The following PPP2R5C variants were observed in gnomAD, a reference collection of about 807,000 sequenced individuals.
The protein encoded by PPP2R5C is serine/threonine-protein phosphatase 2A 56 kDa regulatory subunit gamma isoform.
In PPP2R5C, 7 loss-of-function variants were observed where a neutral mutation model predicts 68.9. The ratio of observed to expected loss-of-function variants is 0.10; its 90% CI spans 0.06 to 0.19. The LOEUF is 0.19. Ranked by LOEUF, PPP2R5C falls within the 10% of genes least tolerant of loss-of-function variation. The probability of loss-of-function intolerance (pLI) is 1.00; values close to 1 mark genes in which losing one functional copy is unlikely to be tolerated. For missense variants in PPP2R5C, 348 were observed against 641.3 expected (o/e 0.54, Z 4.94); for synonymous variants, 210 against 222.2 (o/e 0.95, Z 0.49).
intron 1 of PPP2R5C, among the ~76,000 whole-genome samples, chr14:101,848,248 G>T (rs995149782): frequency 6.6e-6 from 1 of 152,030 alleles, no homozygotes; most frequent in African/African-American, 2.4e-5. Flanking sequence ...AAGTGTGTTG[G>T]GGGGCCGGGC....
chr14:101,792,677 A>G (rs2038413656), intron 3 of PPP2R5C, among the ~76,000 whole-genome samples: 1 of 152,174 alleles, frequency 6.6e-6, no homozygotes, highest in Non-Finnish European at 1.5e-5. Context: ...TCATGTACCA[A>G]AAGCATTAGT....
At position 101,871,228 on chromosome 14, in the gene PPP2R5C, T is replaced by TGG. The variant is rs563568983; in HGVS notation, c.295-10933_295-10932insGG. On this transcript the variant is annotated intron_variant, in intron 2 of 13. Transcript: ENST00000334743. ...GTCTTGGTTTTTTTTTGTTTTGGTT[T>TGG]TTGTTGTTGTTGTTGTTGTTGTTGT... Among the ~76,000 whole-genome samples the TGG allele has an allele frequency of 3.5e-4, 41 of 117,620 alleles. 1 individual carries two copies. The highest frequency in any genetic ancestry group is 1.5e-3 in the African/African-American group (40 of 26,422). 77.2% of individuals were successfully genotyped at this position (117,620 alleles called of 152,430 possible).
chr14:101,906,571 A>G lies in PPP2R5C; in HGVS notation c.1151+42A>G. Reference sequence around the variant, plus strand: ...TGCCATCTTTTTCAGTCATTTTAAAATATGGCACGTTTTACTGCTACTTCA... The same window carrying G: ...TGCCATCTTTTTCAGTCATTTTAAAGTATGGCACGTTTTACTGCTACTTCA... On this transcript the variant is annotated intron_variant, in intron 10 of 13. Coordinates refer to ENST00000334743, the Ensembl canonical transcript of PPP2R5C. The surrounding 1 kb of genome is among the most constrained non-coding windows in gnomAD (Gnocchi z 4.0). 1 of 1,564,166 alleles carries G rather than the reference A, an allele frequency of 6.4e-7. No homozygotes were observed. Among genetic ancestry groups the G allele is most frequent in the Non-Finnish European group, 8.7e-7 (1 of 1,155,940 alleles).
chr14:101,902,293 T>C (rs1783408663), intron 9 of PPP2R5C, among the ~76,000 whole-genome samples: 1 of 152,210 alleles, frequency 6.6e-6, no homozygotes, highest in African/African-American at 2.4e-5. Flanking sequence ...TAAATCTGTC[T>C]CCCTTTACCC....
chr14:101,880,219 T>A (rs2044070020), intron 2 of PPP2R5C, among the ~76,000 whole-genome samples: 1 of 152,222 alleles, frequency 6.6e-6, no homozygotes, highest in African/African-American at 2.4e-5. Context: ...ATTGCAAACT[T>A]TTGTCTTTGT....
At chr14:101,784,320 G>A (rs945052454) in intron 2 of PPP2R5C, among the ~76,000 whole-genome samples, 1 of 152,142 alleles carries the variant, frequency 6.6e-6, no homozygotes, top group South Asian at 2.1e-4. Flanking sequence ...TCTCCAGGAT[G>A]GAGTCTATAT....
chr14:101,843,357 G>A (rs191042855), intron 1 of PPP2R5C: 27 of 185,758 alleles, frequency 1.5e-4, no homozygotes, highest in Admixed American at 5.8e-5. Context: ...TTAGAGATAC[G>A]AAATAAGATG....
chr14:101,764,030 G>GTGTGTGTGTGTGTGTGT (rs1462659583), intron 2 of PPP2R5C, among the ~76,000 whole-genome samples: 250 of 146,236 alleles, frequency 1.7e-3, no homozygotes, highest in African/African-American at 6.2e-3. Context: ...TGTGTGTGTG[G>GTGTGTGTGTGTGTGTGT]GCGCGCGCAC....
intron 2 of PPP2R5C, among the ~76,000 whole-genome samples, chr14:101,881,083 A>G (rs1484005995): frequency 6.6e-6 from 1 of 152,102 alleles, no homozygotes; most frequent in Non-Finnish European, 1.5e-5. Context: ...GTAACCAATC[A>G]TATTTAGACT....
chr14:101,799,927 A>G (rs1327885332), intron 3 of PPP2R5C, among the ~76,000 whole-genome samples: 1 of 152,130 alleles, frequency 6.6e-6, no homozygotes, highest in African/African-American at 2.4e-5. Flanking sequence ...TCATTAAGGG[A>G]TTCTCCCTGC....
chr14:101,857,843 A>AT (rs558100430), intron 2 of PPP2R5C, among the ~76,000 whole-genome samples: 16 of 151,736 alleles, frequency 1.1e-4, no homozygotes, highest in African/African-American at 1.2e-4. Flanking sequence ...TAAGTTACTG[A>AT]TTTTTTTTTC....
chr14:101,760,708 G>A (rs1157932686), upstream of PPP2R5C: 2 of 953,616 alleles, frequency 2.1e-6, no homozygotes, highest in East Asian at 1.3e-4. Context: ...CGCGGGAGGA[G>A]CTGCGGAAAG....
At chr14:101,780,311 C>G (rs1415866680) in intron 2 of PPP2R5C, among the ~76,000 whole-genome samples, 1 of 152,058 alleles carries the variant, frequency 6.6e-6, no homozygotes, top group Non-Finnish European at 1.5e-5. Flanking sequence ...ACACATTACA[C>G]TAGGTTGTGA....
At chr14:101,809,956 A>G in exon 1 of PPP2R5C, 2 of 1,613,956 alleles carry the variant, frequency 1.2e-6, no homozygotes, top group African/African-American at 1.3e-5. Flanking sequence ...TTGACATGTA[A>G]TAAAGCGGGC....
intron 1 of PPP2R5C, among the ~76,000 whole-genome samples, chr14:101,826,540 G>A (rs539453680): frequency 6.6e-6 from 1 of 152,248 alleles, no homozygotes; most frequent in East Asian, 1.9e-4. Context: ...CTGTAGCTCT[G>A]TTGTAAGCTT....
intron 1 of PPP2R5C, chr14:101,836,640 T>C: frequency 2.2e-6 from 1 of 444,954 alleles, no homozygotes; most frequent in Non-Finnish European, 4.0e-6. Flanking sequence ...TAATTTCAGT[T>C]ACATTTACCT....
chr14:101,907,347 T>G (rs900844893), intron 10 of PPP2R5C, among the ~76,000 whole-genome samples: 6 of 151,916 alleles, frequency 3.9e-5, no homozygotes, highest in Non-Finnish European at 7.4e-5. Context: ...ATTTTTGTAT[T>G]TTTTGTAGAG....
chr14:101,807,077 C>G (rs1042880351), upstream of PPP2R5C, among the ~76,000 whole-genome samples: 1 of 152,122 alleles, frequency 6.6e-6, no homozygotes, highest in Admixed American at 6.5e-5. Flanking sequence ...TTCACTTTCC[C>G]TTTCTTCTAA....
At chr14:101,771,490 G>A (rs1273367735) in intron 2 of PPP2R5C, among the ~76,000 whole-genome samples, 1 of 152,090 alleles carries the variant, frequency 6.6e-6, no homozygotes, top group African/African-American at 2.4e-5. Context: ...CAGCACTTTG[G>A]GAGGCCCAGG....
Sources: gnomAD v4.1 joint callset for allele counts (sites outside exome capture counted in the v4.1 genomes callset) on GRCh38, gnomAD v4.1.1 for gene constraint, Gnocchi (gnomAD v3.1) non-coding constraint, MANE v1.5 for transcripts, NCBI Gene and HGNC (gene_info 2026-07-23, HGNC 2026-07-21) for gene names.